The following TSPAN5 variants were observed in gnomAD, a reference collection of about 807,000 sequenced individuals.
TSPAN5 encodes the protein tetraspanin 5.
In TSPAN5, 10 loss-of-function variants were observed where a neutral mutation model predicts 37.1. The ratio of observed to expected loss-of-function variants is 0.27; its 90% CI spans 0.17 to 0.46. The LOEUF is 0.46. Ranked by LOEUF, TSPAN5 falls within the 20% of genes least tolerant of loss-of-function variation. TSPAN5 has a pLI of 1.00. For synonymous variants in TSPAN5, 110 were observed against 118.9 expected, an observed-to-expected ratio of 0.93 and a Z score of 0.48; for missense variants, 195 against 326.6, an observed-to-expected ratio of 0.60 and a Z score of 3.11.
chr4:98,625,510 G>GA (rs1175899831), intron 1 of TSPAN5, among the ~76,000 whole-genome samples: 1 of 152,150 alleles, frequency 6.6e-6, no homozygotes, highest in Non-Finnish European at 1.5e-5. Flanking sequence ...TCACCAAAGA[G>GA]AAAAAACAAA....
At chr4:98,576,907 C>T (rs965484586) in intron 1 of TSPAN5, among the ~76,000 whole-genome samples, 4 of 152,024 alleles carry the variant, frequency 2.6e-5, no homozygotes, top group African/African-American at 9.7e-5. Context: ...CTACAGGTAC[C>T]CGCCACCACA....
intron 1 of TSPAN5, among the ~76,000 whole-genome samples, chr4:98,624,012 T>G (rs1245931653): frequency 2.6e-5 from 4 of 152,200 alleles, no homozygotes; most frequent in Admixed American, 6.5e-5. Flanking sequence ...TTCTTTTGCT[T>G]TATATGAAAC....
At chr4:98,484,714 C>T (rs1410048899) in intron 3 of TSPAN5, 67 of 391,034 alleles carry the variant, frequency 1.7e-4, no homozygotes, top group South Asian at 1.3e-3. Flanking sequence ...GTAATCCCAG[C>T]ATTCTGGGAG....
chr4:98,509,066 A>G (rs1213722757), intron 1 of TSPAN5, among the ~76,000 whole-genome samples: 2 of 152,212 alleles, frequency 1.3e-5, no homozygotes, highest in Non-Finnish European at 2.9e-5. Context: ...ACTGTGTGTA[A>G]TTGGCCATGA....
chr4:98,539,873 G>A (rs941409697), intron 1 of TSPAN5, among the ~76,000 whole-genome samples: 2 of 152,130 alleles, frequency 1.3e-5, no homozygotes, highest in Admixed American at 1.3e-4. Context: ...GCTCTCTAGT[G>A]CGTGTTCTCT....
At chr4:98,526,931 G>A (rs935666564) in intron 1 of TSPAN5, among the ~76,000 whole-genome samples, 1 of 152,216 alleles carries the variant, frequency 6.6e-6, no homozygotes, top group African/African-American at 2.4e-5. Flanking sequence ...GAAAAATGAA[G>A]AGTGAGGTTT....
chr4:98,475,858 C>G (rs977435640), intron 7 of TSPAN5, among the ~76,000 whole-genome samples: 1 of 151,792 alleles, frequency 6.6e-6, no homozygotes, highest in East Asian at 1.9e-4. Context: ...GGCGTAGTGG[C>G]GGGCACCTGT....
intron 1 of TSPAN5, among the ~76,000 whole-genome samples, chr4:98,633,597 T>C (rs1756793193): frequency 1.3e-5 from 2 of 152,186 alleles, no homozygotes; most frequent in African/African-American, 4.8e-5. Context: ...GAATTTAAAA[T>C]GATCAGCACT....
chr4:98,651,668 G>C (rs955156590), intron 1 of TSPAN5, among the ~76,000 whole-genome samples: 1 of 152,118 alleles, frequency 6.6e-6, no homozygotes, highest in Admixed American at 6.5e-5. Flanking sequence ...CAGTAAATTA[G>C]GAGGATGGAA....
intron 1 of TSPAN5, among the ~76,000 whole-genome samples, chr4:98,549,809 TG>T (rs1464354689): frequency 6.6e-6 from 1 of 152,090 alleles, no homozygotes; most frequent in Non-Finnish European, 1.5e-5. Context: ...ATGCATACTT[TG>T]GGAATTTTTT....
intron 1 of TSPAN5, among the ~76,000 whole-genome samples, chr4:98,602,343 G>C (rs1755902253): frequency 6.6e-6 from 1 of 152,156 alleles, no homozygotes; most frequent in Non-Finnish European, 1.5e-5. Flanking sequence ...AAAATTAAAG[G>C]TTGACCCACA....
chr4:98,556,829 A>G (rs771312033), intron 1 of TSPAN5, among the ~76,000 whole-genome samples: 1 of 152,206 alleles, frequency 6.6e-6, no homozygotes, highest in Non-Finnish European at 1.5e-5. Context: ...TCCAATTATT[A>G]TCATTCTTTG....
chr4:98,603,256 C>T (rs1195198874), intron 1 of TSPAN5, among the ~76,000 whole-genome samples: 2 of 152,198 alleles, frequency 1.3e-5, no homozygotes, highest in African/African-American at 4.8e-5. Flanking sequence ...CTCCCCCCTA[C>T]CAGGCACTTT....
At chr4:98,484,283 T>G (rs1560507498) in intron 3 of TSPAN5, 3 of 371,810 alleles carry the variant, frequency 8.1e-6, no homozygotes, top group Non-Finnish European at 1.6e-5. Flanking sequence ...AGAAGGTCTA[T>G]TTCCATTTTG....
At chr4:98,628,445 G>C (rs1300200852) in intron 1 of TSPAN5, among the ~76,000 whole-genome samples, 1 of 152,124 alleles carries the variant, frequency 6.6e-6, no homozygotes. Context: ...GTAATGTGGG[G>C]TACACCACAC....
intron 1 of TSPAN5, among the ~76,000 whole-genome samples, chr4:98,517,054 G>C (rs1753751197): frequency 1.3e-5 from 2 of 152,162 alleles, no homozygotes; most frequent in African/African-American, 4.8e-5. Flanking sequence ...GATTAAGACT[G>C]GTCCTAAGAC....
At chr4:98,552,368 T>A (rs1754642892) in intron 1 of TSPAN5, among the ~76,000 whole-genome samples, 1 of 152,386 alleles carries the variant, frequency 6.6e-6, no homozygotes, top group African/African-American at 2.4e-5. Flanking sequence ...TTTTGCAGTA[T>A]CTCACAGGTT....
intron 1 of TSPAN5, among the ~76,000 whole-genome samples, chr4:98,642,815 T>A (rs1420480148): frequency 2.6e-5 from 4 of 152,220 alleles, no homozygotes; most frequent in African/African-American, 9.6e-5. Flanking sequence ...AAAAATAATT[T>A]TTAAAAAAAG....
At chr4:98,647,790 C>G (rs1299254365) in intron 1 of TSPAN5, among the ~76,000 whole-genome samples, 1 of 151,442 alleles carries the variant, frequency 6.6e-6, no homozygotes, top group East Asian at 1.9e-4. Flanking sequence ...TGGATAATAT[C>G]ACAGTGCTAA....
Sources: allele counts gnomAD v4.1 joint callset (sites outside exome capture counted in the v4.1 genomes callset), GRCh38; gene constraint gnomAD v4.1.1; transcripts MANE v1.5; gene names NCBI Gene and HGNC (gene_info 2026-07-23, HGNC 2026-07-21).